Variants in C8orf76 observed in about 807,000 individuals in gnomAD.
The protein encoded by C8orf76 is uncharacterized protein C8orf76.
C8orf76 carries 46 observed loss-of-function variants against 38.1 expected under a neutral mutation model. The observed-to-expected ratio is 1.21, with a 90% confidence interval of 0.95 to 1.54. The LOEUF is 1.54. Among genes scored for constraint, C8orf76 ranks in the 40% most tolerant of loss-of-function variants. The probability of loss-of-function intolerance (pLI) is 0.00; values close to 1 mark genes in which losing one functional copy is unlikely to be tolerated. For missense variants in C8orf76, 461 were observed against 441.6 expected (o/e 1.04, Z -0.39); for synonymous variants, 166 against 167.5 (o/e 0.99, Z 0.07).
intron 3 of C8orf76, among the ~76,000 whole-genome samples, chr8:123,237,421 T>A (rs369383726): frequency 2.6e-5 from 4 of 152,202 alleles, no homozygotes; most frequent in African/African-American, 9.7e-5. Flanking sequence ...GGGGACCTTT[T>A]TTGGCTTAGA....
chr8:123,239,218 T>C (rs773484983), intron 1 of C8orf76, 74 bp from the exon 2 acceptor site: 26 of 1,484,098 alleles, frequency 1.8e-5, no homozygotes, highest in Non-Finnish European at 2.3e-5. Flanking sequence ...CAATTTCCCA[T>C]AATATAATTG....
chr8:123,237,812 T>C lies in C8orf76; in HGVS notation c.343A>G (p.Ile115Val). 1 of 1,612,738 alleles carries C rather than the reference T, an allele frequency of 6.2e-7. No homozygotes were observed. The highest frequency in any genetic ancestry group is 8.5e-7 in the Non-Finnish European group (1 of 1,179,558). Residue 115 changes from isoleucine to valine, a missense_variant, in exon 3 of 6, where the codon ATT (isoleucine) becomes GTT (valine). Coordinates refer to ENST00000276704, the MANE Select transcript of C8orf76 (RefSeq NM_032847.3). ...HLGRHMEALE[I>V]AANLENKATN... ...AAATCACTCACCAAGTTTGCAGCAATCTCCAGCGCCTCCATATGCCTACCC... is the reference window on the plus strand; with the variant it reads ...AAATCACTCACCAAGTTTGCAGCAACCTCCAGCGCCTCCATATGCCTACCC...
rs370622527 is a variant in C8orf76, at chr8:123,234,834, T to G, written c.357+2964A>C. On this transcript the variant is annotated intron_variant, in intron 3 of 5. Coordinates refer to ENST00000276704, the MANE Select transcript of C8orf76 (RefSeq NM_032847.3). ...AAATGTAGCCAGGTGTGGTGACACATGCCTATAATCCCAGCTACTTGGGTG... is the reference window on the plus strand; with the variant it reads ...AAATGTAGCCAGGTGTGGTGACACAGGCCTATAATCCCAGCTACTTGGGTG... 3.4e-5 allele frequency among the ~76,000 whole-genome samples: 5 copies of G among 147,524 alleles called. No individual in the cohort carries two copies. The East Asian group carries it at 8.1e-4, about 24-fold the overall frequency.
At chr8:123,220,575 C>G (rs1038822857) in intron 5 of C8orf76, among the ~76,000 whole-genome samples, 9 of 152,210 alleles carry the variant, frequency 5.9e-5, no homozygotes, top group African/African-American at 2.2e-4. Context: ...GTGAAAGAAT[C>G]ACTTTGGTGC....
chr8:123,236,709 G>C, intron 3 of C8orf76: 1 of 373,580 alleles, frequency 2.7e-6, no homozygotes, highest in Non-Finnish European at 5.1e-6. Flanking sequence ...GTTTGAATCC[G>C]GGAGGCGGAG....
chr8:123,237,307 G>T (rs1331478560), intron 3 of C8orf76, among the ~76,000 whole-genome samples: 1 of 152,008 alleles, frequency 6.6e-6, no homozygotes, highest in African/African-American at 2.4e-5. Context: ...CCCTTTCGTT[G>T]ACTGGGGAAA....
At chr8:123,233,950 C>A (rs994737464) in intron 3 of C8orf76, among the ~76,000 whole-genome samples, 7 of 151,616 alleles carry the variant, frequency 4.6e-5, no homozygotes, top group Admixed American at 1.3e-4. Flanking sequence ...ATGGCATGAA[C>A]CCGGGAGGCA....
At chr8:123,235,012 CACTAG>C (rs1219963746) in intron 3 of C8orf76, among the ~76,000 whole-genome samples, 1 of 152,134 alleles carries the variant, frequency 6.6e-6, no homozygotes, top group Non-Finnish European at 1.5e-5. Flanking sequence ...ACCGACCAGA[CACTAG>C]ATGAGCACTG....
intron 4 of C8orf76, 56 bp downstream of exon 4, chr8:123,231,240 AAAAT>A (rs1825257590): frequency 3.4e-5 from 52 of 1,514,740 alleles, no homozygotes; most frequent in Non-Finnish European, 4.6e-5. Context: ...TTAAAATTAG[AAAAT>A]AAAGCCTTTA....
rs139580952 is a variant in C8orf76, at chr8:123,231,531, G to A, written c.584C>T (p.Thr195Ile). 193 of 1,614,210 alleles carry A rather than the reference G, an allele frequency of 1.2e-4. No homozygotes were observed. The highest frequency in any genetic ancestry group is 9.9e-4 in the Middle Eastern group (6 of 6,062). Residue 195 changes from threonine (T) to isoleucine (I), a missense_variant, in exon 4 of 6, where the codon ACC (threonine) becomes ATC (isoleucine). By Grantham distance (89) the Thr-to-Ile change is moderately conservative. Coordinates refer to ENST00000276704, the MANE Select transcript of C8orf76 (RefSeq NM_032847.3). ...LASSQKQHSF[T>I]SSDKTIKSFF... The stretch of plus-strand genomic sequence containing the variant: ...GGATTTGATAGTTTTGTCACTTGAG[G>A]TGAAACTGTGCTGTTTCTGAGATGA...
chr8:123,241,042 T>C (rs1825666536), intron 1 of C8orf76, among the ~76,000 whole-genome samples, 188 bp downstream of exon 1: 1 of 152,142 alleles, frequency 6.6e-6, no homozygotes, highest in Non-Finnish European at 1.5e-5. Flanking sequence ...TTCTCGCCCA[T>C]GGACCCGGAA....
chr8:123,220,249 C>A lies in C8orf76; in HGVS notation c.997G>T (p.Glu333Ter). 6.2e-7 allele frequency: 1 copy of A among 1,609,970 alleles called. No homozygotes were observed. Among genetic ancestry groups the A allele is most frequent in the Non-Finnish European group, 8.5e-7 (1 of 1,178,670 alleles). ...PEKIKDEVHPEVKCVGSVALT... is the reference protein window; with the variant it reads ...PEKIKDEVHP Reference sequence around the variant, plus strand: ...GCTACGGAGCCAACACACTTCACCTCTGGGTGAACTTCATCTTTTATTTTT... The same window carrying A: ...GCTACGGAGCCAACACACTTCACCTATGGGTGAACTTCATCTTTTATTTTT... The change falls in exon 6 of 6, where the codon GAG becomes TAG. Residue 333 changes from glutamate to a stop codon, truncating the protein, a stop_gained. Coordinates refer to ENST00000276704, the MANE Select transcript of C8orf76 (RefSeq NM_032847.3). LOFTEE classifies it high-confidence loss of function.
chr8:123,225,584 G>A (rs926323936), intron 5 of C8orf76, among the ~76,000 whole-genome samples: 4 of 151,028 alleles, frequency 2.6e-5, no homozygotes, highest in African/African-American at 5.0e-5. Flanking sequence ...AGAGGCAGAG[G>A]AACGTTAAGA....
In C8orf76 at chr8:123,224,448, C is replaced by CA. The variant is rs796947263; in HGVS notation, c.948+2051dup. 1.3e-4 allele frequency among the ~76,000 whole-genome samples: 20 copies of CA among 152,110 alleles called. 1 individual carries two copies. Among genetic ancestry groups the CA allele is most frequent in the African/African-American group, 4.1e-4 (17 of 41,496 alleles). ...GCAACATAGCAAGACCCTGCCTCTA[C>CA]AAAAAATTTTAAAATTAGCTGGACA... is the stretch of plus-strand genomic sequence containing the variant. On this transcript the variant is annotated intron_variant, in intron 5 of 5. Transcript: ENST00000276704.
intron 3 of C8orf76, among the ~76,000 whole-genome samples, chr8:123,236,599 C>T (rs1490306679): frequency 6.6e-6 from 1 of 152,054 alleles, no homozygotes; most frequent in Non-Finnish European, 1.5e-5. Context: ...GCCTGACCAA[C>T]ATGGTGAAAC....
chr8:123,223,059 G>A (rs551289459), intron 5 of C8orf76, among the ~76,000 whole-genome samples: 1 of 152,188 alleles, frequency 6.6e-6, no homozygotes, highest in African/African-American at 2.4e-5. Flanking sequence ...ATTAAAATAG[G>A]TACTGAGTAT....
chr8:123,232,950 T>A (rs965189637), intron 3 of C8orf76, among the ~76,000 whole-genome samples: 4 of 152,206 alleles, frequency 2.6e-5, no homozygotes, highest in African/African-American at 7.2e-5. Context: ...GAAAACAACA[T>A]GTATAGACTA....
chr8:123,241,369 C>G lies in C8orf76; in HGVS notation c.-23G>C, dbSNP rs754651314. ...CATCTCGCGCCCGCGGCGGGGGCAACGAGGAAGCGGGGCCCGCCGGAAAAG... is the reference window on the plus strand; with the variant it reads ...CATCTCGCGCCCGCGGCGGGGGCAAGGAGGAAGCGGGGCCCGCCGGAAAAG... On this transcript the variant is annotated 5_prime_UTR_variant, in exon 1 of 6. Transcript: ENST00000276704. 1.3e-6 allele frequency: 2 copies of G among 1,539,270 alleles called. No individual in the cohort carries two copies. Among genetic ancestry groups the G allele is most frequent in the Non-Finnish European group, 1.7e-6 (2 of 1,152,894 alleles).
chr8:123,227,109 T>C (rs1825071821), intron 4 of C8orf76, among the ~76,000 whole-genome samples: 1 of 152,178 alleles, frequency 6.6e-6, no homozygotes. Flanking sequence ...TTAGATTCGC[T>C]AGCACACTTC....
Sources: allele counts gnomAD v4.1 joint callset (sites outside exome capture counted in the v4.1 genomes callset), GRCh38; gene constraint gnomAD v4.1.1; transcripts MANE v1.5; gene names NCBI Gene and HGNC (gene_info 2026-07-23, HGNC 2026-07-21).